Variants in ASIC2 observed in about 807,000 individuals in gnomAD.
ASIC2 encodes the protein acid sensing ion channel subunit 2, also known as acid-sensing ion channel 2.
A neutral mutation model predicts 57.3 loss-of-function variants in ASIC2; 25 were observed. The observed-to-expected ratio is 0.44, with a 90% CI of 0.32 to 0.61. ASIC2 has a LOEUF of 0.61. Among genes scored for constraint, ASIC2 ranks in the 20% least tolerant of loss-of-function variants. The pLI, the probability that ASIC2 is intolerant of heterozygous loss-of-function variation, is 0.06. For missense variants in ASIC2, 641 were observed against 738.1 expected (o/e 0.87, Z 1.52); for synonymous variants, 319 against 307.5 (o/e 1.04, Z -0.39).
At position 33,471,945 on chromosome 17, in the gene ASIC2, T is replaced by C. The variant is rs140177692; in HGVS notation, c.556-359878A>G. Reference sequence around the variant, plus strand: ...TTTGACAAATGAGGAAACTGAGGCTTAGAAAGATTAAGCAACTCACTCAAG... The same window carrying C: ...TTTGACAAATGAGGAAACTGAGGCTCAGAAAGATTAAGCAACTCACTCAAG... On this transcript the variant is annotated intron_variant, in intron 1 of 9. Coordinates refer to the ASIC2 transcript ENST00000359872. 2.6e-3 allele frequency among the ~76,000 whole-genome samples: 396 copies of C among 152,114 alleles called. 6 individuals are homozygous for C. The East Asian group carries it at 0.034, about 13-fold the overall frequency.
At chr17:33,303,703 A>T (rs542216139) in intron 1 of ASIC2, among the ~76,000 whole-genome samples, 17 of 148,494 alleles carry the variant, frequency 1.1e-4, no homozygotes, top group African/African-American at 4.2e-4. Context: ...TTTCCCATCT[A>T]CCCTCCTTCC....
chr17:34,113,218 G>A (rs1227982229), intron 1 of ASIC2, among the ~76,000 whole-genome samples: 1 of 152,168 alleles, frequency 6.6e-6, no homozygotes, highest in Non-Finnish European at 1.5e-5. Flanking sequence ...AGGGGCGAAG[G>A]AAGCTGGAGG....
At chr17:33,499,015 G>A (rs1031515471) in intron 1 of ASIC2, among the ~76,000 whole-genome samples, 1 of 152,222 alleles carries the variant, frequency 6.6e-6, no homozygotes, top group Admixed American at 6.5e-5. Flanking sequence ...CAGGGGTACT[G>A]CTTAGGCAAT....
intron 1 of ASIC2, among the ~76,000 whole-genome samples, chr17:33,459,090 T>C (rs1912548236): frequency 6.6e-6 from 1 of 151,906 alleles, no homozygotes; most frequent in East Asian, 1.9e-4. Flanking sequence ...TTTTGTTTTT[T>C]GTGTTTTCTG....
intron 1 of ASIC2, among the ~76,000 whole-genome samples, chr17:34,123,679 G>A (rs1041752576): frequency 6.6e-6 from 1 of 152,196 alleles, no homozygotes; most frequent in South Asian, 2.1e-4. Flanking sequence ...CAGCTTTTCC[G>A]TCTGTGAAAT....
At chr17:33,025,272 C>T (rs1404111003) in intron 5 of ASIC2, among the ~76,000 whole-genome samples, 3 of 152,188 alleles carry the variant, frequency 2.0e-5, no homozygotes, top group African/African-American at 4.8e-5. Flanking sequence ...AGCTTTGGGG[C>T]TGCAGCTTGT....
chr17:33,390,995 G>A (rs1160492770), intron 1 of ASIC2, among the ~76,000 whole-genome samples: 2 of 152,188 alleles, frequency 1.3e-5, no homozygotes, highest in Non-Finnish European at 2.9e-5. Context: ...GCTTTCTCCA[G>A]GATGGAGCAG....
intron 3 of ASIC2, among the ~76,000 whole-genome samples, chr17:33,079,251 C>T (rs766992940): frequency 5.9e-5 from 9 of 152,214 alleles, no homozygotes; most frequent in Middle Eastern, 3.4e-3. Context: ...AGTAAACAGA[C>T]GGTTATAATG....
intron 1 of ASIC2, among the ~76,000 whole-genome samples, chr17:33,460,541 A>G (rs1912601548): frequency 6.6e-6 from 1 of 152,196 alleles, no homozygotes; most frequent in Admixed American, 6.5e-5. Context: ...CTGGGTTGCA[A>G]AGGGAAGTTT....
intron 1 of ASIC2, among the ~76,000 whole-genome samples, chr17:33,611,580 C>T (rs1242827681): frequency 6.6e-6 from 1 of 152,178 alleles, no homozygotes; most frequent in Non-Finnish European, 1.5e-5. Context: ...ATCCAGAGCC[C>T]AGGTCAAGTG....
At chr17:33,870,228 T>TG (rs1449167273) in intron 1 of ASIC2, among the ~76,000 whole-genome samples, 2 of 111,996 alleles carry the variant, frequency 1.8e-5, no homozygotes, top group Admixed American at 8.3e-5. Flanking sequence ...AATTCTGTTT[T>TG]TTTTTTTTTT....
At chr17:33,653,840 A>G (rs1906997071) in intron 1 of ASIC2, among the ~76,000 whole-genome samples, 1 of 152,212 alleles carries the variant, frequency 6.6e-6, no homozygotes, top group African/African-American at 2.4e-5. Flanking sequence ...TTATTACTTA[A>G]AAATGTGATA....
chr17:33,106,028 T>C (rs1446601810), intron 2 of ASIC2, among the ~76,000 whole-genome samples: 3 of 152,112 alleles, frequency 2.0e-5, no homozygotes, highest in Non-Finnish European at 4.4e-5. Flanking sequence ...GGAGACCTCA[T>C]TGAGAAGGTA....
chr17:33,021,182 T>G, intron 7 of ASIC2, 37 bp downstream of exon 7: 406 of 541,218 alleles, frequency 7.5e-4, no homozygotes, highest in Non-Finnish European at 1.3e-3. Flanking sequence ...CCACCCTCTA[T>G]GAGATGTGGA....
At chr17:33,902,716 C>T (rs1425369452) in intron 1 of ASIC2, among the ~76,000 whole-genome samples, 2 of 152,200 alleles carry the variant, frequency 1.3e-5, no homozygotes, top group African/African-American at 4.8e-5. Flanking sequence ...TATCAGATTT[C>T]CAACCACTGA....
rs533328737 is a variant in ASIC2 at position 33,526,552 on chromosome 17, G to A, written c.556-414485C>T. ...TTCTCTCCACTTGTTTCTCTTATAC[G>A]TTCTAGCTCAAACCTATGCCCAACA... On this transcript the variant is annotated intron_variant, in intron 1 of 9. Transcript: ENST00000359872. 6.6e-5 allele frequency among the ~76,000 whole-genome samples: 10 copies of A among 152,036 alleles called. No homozygotes were observed. The South Asian group carries it at 1.2e-3, about 19-fold the overall frequency.
At chr17:34,039,148 A>T (rs776101064) in intron 1 of ASIC2, 54 of 1,613,892 alleles carry the variant, frequency 3.3e-5, no homozygotes, top group African/African-American at 4.0e-5. Context: ...CAAATCACAG[A>T]TGGCTCTTAA....
intron 1 of ASIC2, chr17:34,006,690 T>G (rs1906537264): frequency 6.6e-6 from 1 of 152,218 alleles, no homozygotes; most frequent in Admixed American, 6.5e-5. Context: ...GATACATGTG[T>G]AAATTTTGTA....
chr17:33,312,104 C>A (rs1359784277), intron 1 of ASIC2, among the ~76,000 whole-genome samples: 6 of 152,188 alleles, frequency 3.9e-5, no homozygotes, highest in Non-Finnish European at 7.3e-5. Flanking sequence ...GTGAGCCATG[C>A]AATCTCTCCT....
Sources: allele counts gnomAD v4.1 joint callset (sites outside exome capture counted in the v4.1 genomes callset), GRCh38; gene constraint gnomAD v4.1.1; transcripts MANE v1.5; gene names NCBI Gene and HGNC (gene_info 2026-07-23, HGNC 2026-07-21).